The following MPRIP variants were observed in gnomAD, a reference collection of about 807,000 sequenced individuals.
MPRIP encodes myosin phosphatase Rho interacting protein.
Under a neutral mutation model 234.9 loss-of-function variants are expected in MPRIP, and 59 were observed. The observed-to-expected ratio is 0.25, with a 90% CI of 0.20 to 0.31. The LOEUF (loss-of-function observed/expected upper bound fraction) is 0.31. MPRIP is among the 10% of genes least tolerant of loss of function. The probability of loss-of-function intolerance (pLI) is 1.00; values close to 1 mark genes in which losing one functional copy is unlikely to be tolerated. For missense variants in MPRIP, 2,436 were observed against 3,071.0 expected, an observed-to-expected ratio of 0.79 and a Z score of 4.89; for synonymous variants, 1,144 against 1,263.9, an observed-to-expected ratio of 0.91 and a Z score of 2.01.
chr17:17,163,664 C>G (rs1382930817), intron 15 of MPRIP, among the ~76,000 whole-genome samples: 1 of 152,096 alleles, frequency 6.6e-6, no homozygotes, highest in African/African-American at 2.4e-5. Context: ...CATCATTTAC[C>G]TACACCTTGT....
At chr17:17,115,251 A>AT (rs2090260814) in intron 3 of MPRIP, among the ~76,000 whole-genome samples, 1 of 152,242 alleles carries the variant, frequency 6.6e-6, no homozygotes, top group African/African-American at 2.4e-5. Flanking sequence ...ACCCACTGTC[A>AT]CATTCCAGTA....
At chr17:17,148,025 T>A (rs776440611) in intron 11 of MPRIP, among the ~76,000 whole-genome samples, 4 of 152,228 alleles carry the variant, frequency 2.6e-5, no homozygotes, top group African/African-American at 4.8e-5. Context: ...GAAAAACGTC[T>A]GTTTCAGGTT....
At chr17:17,075,682 G>A (rs1262343534) in intron 1 of MPRIP, 28 bp from the exon 2 acceptor site, 1 of 1,605,084 alleles carries the variant, frequency 6.2e-7, no homozygotes, top group East Asian at 2.2e-5. Flanking sequence ...AAGGCTGCTG[G>A]TGACCTGCCC....
At position 17,138,324 on chromosome 17, in the gene MPRIP, G is replaced by T; in HGVS notation, c.1145G>T (p.Ser382Ile). 1 of 372,082 alleles carries T rather than the reference G, an allele frequency of 2.7e-6. No homozygotes were observed. The highest frequency in any genetic ancestry group is 4.8e-6 in the Non-Finnish European group (1 of 208,726). The allele number at this position is 372,082 out of a possible 1,614,324, so 23.0% of individuals were successfully genotyped here. A position where few individuals can be genotyped will look rare whatever the true frequency, so the allele number is the denominator to read the frequency against. ...LADVPKAIRI[S>I]HREAFQVERR... ...GACGTCCCTAAGGCCATCAGGATCA[G>T]CCACCGAGAAGCCTTCCAGGTGGAG... Residue 382 changes from serine (S) to isoleucine (I), a missense_variant, in exon 7 of 24, where the codon AGC becomes ATC. Coordinates refer to ENST00000651222, the MANE Select transcript of MPRIP (RefSeq NM_001364716.4). The surrounding 1 kb of genome is among the most constrained non-coding windows in gnomAD (Gnocchi z 5.8).
At chr17:17,141,063 A>G (rs1484966747) in intron 7 of MPRIP, among the ~76,000 whole-genome samples, 1 of 152,142 alleles carries the variant, frequency 6.6e-6, no homozygotes, top group Non-Finnish European at 1.5e-5. Context: ...TGACTGTAGC[A>G]AGTGCCTTTC....
intron 3 of MPRIP, among the ~76,000 whole-genome samples, chr17:17,099,916 TA>T (rs2089924680): frequency 6.6e-6 from 1 of 152,036 alleles, no homozygotes; most frequent in African/African-American, 2.4e-5. Context: ...TTTGTGAAAA[TA>T]GGTAAGCACA....
chr17:17,058,407 G>A (rs2088770774), intron 1 of MPRIP, among the ~76,000 whole-genome samples: 1 of 150,846 alleles, frequency 6.6e-6, no homozygotes, highest in Non-Finnish European at 1.5e-5. Flanking sequence ...GGGCCGTGGG[G>A]AATGGGGACC....
chr17:17,119,771 A>G (rs1370734973), intron 3 of MPRIP, among the ~76,000 whole-genome samples: 14 of 152,236 alleles, frequency 9.2e-5, no homozygotes, highest in Admixed American at 9.2e-4. Flanking sequence ...GTTTGCAGAC[A>G]AAGCTTTTCA....
intron 4 of MPRIP, among the ~76,000 whole-genome samples, chr17:17,130,270 C>G (rs2090569847): frequency 6.6e-6 from 1 of 152,106 alleles, no homozygotes; most frequent in South Asian, 2.1e-4. Flanking sequence ...AACAGCACAC[C>G]CATCCTGAGG....
At position 17,141,118 on chromosome 17, in the gene MPRIP, C is replaced by T. The variant is rs191129662; in HGVS notation, c.1251-1509C>T. 2.1e-4 allele frequency among the ~76,000 whole-genome samples: 32 copies of T among 152,324 alleles called. No individual in the cohort carries two copies. In the East Asian group the frequency reaches 5.4e-3, roughly 26 times the overall value. ...CTCTGTCTGGATCCCCACAGTACCA[C>T]GGCATGCGATTTGCATGAGGTTAAA... On this transcript the variant is annotated intron_variant, in intron 7 of 23. Coordinates refer to ENST00000651222, the MANE Select transcript of MPRIP (RefSeq NM_001364716.4).
intron 1 of MPRIP, among the ~76,000 whole-genome samples, chr17:17,056,279 A>G (rs1567684596): frequency 6.6e-6 from 1 of 152,224 alleles, no homozygotes; most frequent in African/African-American, 2.4e-5. Flanking sequence ...CTTCCCTGCG[A>G]AGACGTTGCC....
In MPRIP at chr17:17,165,788, C is replaced by T. The variant is rs949769639; in HGVS notation, c.4197C>T (p.Asp1399=). The change falls in exon 16 of 24, where the codon GAC becomes GAT. Residue 1399 remains aspartate (D), a synonymous_variant. Transcript: ENST00000651222. ...KLYVTEEKLK[D]VTVRLESQQG... ...ACGTCACAGAGGAAAAGCTCAAAGA[C>T]GTGACCGTGAGGCTGGAGAGCCAGC... The T allele has an allele frequency of 1.8e-5, 23 of 1,304,436 alleles. No individual in the cohort carries two copies. Among genetic ancestry groups the T allele is most frequent in the African/African-American group, 4.6e-5 (3 of 65,882 alleles). 80.8% of individuals were successfully genotyped at this position (1,304,436 alleles called of 1,614,324 possible).
At chr17:17,182,599 G>A (rs1402655961) in intron 23 of MPRIP, 3 of 152,382 alleles carry the variant, frequency 2.0e-5, no homozygotes, top group Admixed American at 6.5e-5. Flanking sequence ...TGGGAATAAC[G>A]TAGGGGATTT....
chr17:17,160,618 G>T (rs1168627912), intron 14 of MPRIP, among the ~76,000 whole-genome samples: 1 of 152,254 alleles, frequency 6.6e-6, no homozygotes, highest in Non-Finnish European at 1.5e-5. Flanking sequence ...TTACTCATGG[G>T]TATCCACACC....
chr17:17,127,307 A>G (rs1238673346), intron 4 of MPRIP, among the ~76,000 whole-genome samples: 1 of 152,140 alleles, frequency 6.6e-6, no homozygotes, highest in Non-Finnish European at 1.5e-5. Flanking sequence ...TGGGGGTGGG[A>G]GGTGTCTCAG....
chr17:17,133,654 C>T (rs2090639980), intron 5 of MPRIP, among the ~76,000 whole-genome samples: 1 of 152,188 alleles, frequency 6.6e-6, no homozygotes, highest in Admixed American at 6.5e-5. Context: ...CAGCTTCTCC[C>T]CTTAAGGAAC....
Position 17,161,291 on chromosome 17 carries a change from C to G in MPRIP, c.2452C>G (p.Leu818Val). 1 of 1,600,816 alleles carries G rather than the reference C, an allele frequency of 6.2e-7. No individual in the cohort carries two copies. Among genetic ancestry groups the G allele is most frequent in the Non-Finnish European group, 8.5e-7 (1 of 1,172,002 alleles). The change falls in exon 15 of 24, where the codon CTG (leucine) becomes GTG (valine). Residue 818 changes from leucine (L) to valine (V), a missense_variant. By Grantham distance (32) the Leu-to-Val change is conservative. Coordinates refer to ENST00000651222, the MANE Select transcript of MPRIP (RefSeq NM_001364716.4). ...AGACCTTCTGGAGCAGAACCGGCTC[C>G]TGCAGGACCAGCTGAGGGTGGCCCT... ...ASDLLEQNRL[L>V]QDQLRVALGR...
At chr17:17,106,129 GTC>G (rs1245614994) in intron 3 of MPRIP, among the ~76,000 whole-genome samples, 1 of 152,164 alleles carries the variant, frequency 6.6e-6, no homozygotes, top group Non-Finnish European at 1.5e-5. Flanking sequence ...AGGGCGAAGT[GTC>G]TGCAGTGTTG....
At chr17:17,070,084 T>C (rs907839459) in intron 1 of MPRIP, among the ~76,000 whole-genome samples, 8 of 152,210 alleles carry the variant, frequency 5.3e-5, no homozygotes, top group African/African-American at 1.7e-4. Flanking sequence ...CACTTCCTTC[T>C]GGTCTCCATG....
Sources: gnomAD v4.1 joint callset for allele counts (sites outside exome capture counted in the v4.1 genomes callset) on GRCh38, gnomAD v4.1.1 for gene constraint, Gnocchi (gnomAD v3.1) non-coding constraint, MANE v1.5 for transcripts, NCBI Gene and HGNC (gene_info 2026-07-23, HGNC 2026-07-21) for gene names.